Variants in SLC25A26 observed in about 807,000 individuals in gnomAD.
SLC25A26 encodes the protein mitochondrial S-adenosylmethionine carrier protein.
In SLC25A26, 36 loss-of-function variants were observed where a neutral mutation model predicts 37.8. The ratio of observed to expected loss-of-function variants is 0.95; its 90% CI spans 0.73 to 1.26. The LOEUF (loss-of-function observed/expected upper bound fraction) is 1.26. Ranked by LOEUF, SLC25A26 falls within the 50% of genes most tolerant of loss-of-function variation. The pLI, the probability that SLC25A26 is intolerant of heterozygous loss-of-function variation, is 0.00. For synonymous variants in SLC25A26, 129 were observed against 122.5 expected, an observed-to-expected ratio of 1.05 and a Z score of -0.35; for missense variants, 390 against 331.1, an observed-to-expected ratio of 1.18 and a Z score of -1.38.
At chr3:66,151,805 A>G (rs1035356809) in intron 1 of SLC25A26, among the ~76,000 whole-genome samples, 6 of 152,220 alleles carry the variant, frequency 3.9e-5, no homozygotes, top group Admixed American at 3.9e-4. Context: ...TTGGCACTTA[A>G]CATTTATTTA....
At chr3:66,175,140 T>TATATATATAC (rs1413714739) in intron 1 of SLC25A26, among the ~76,000 whole-genome samples, 27 of 66,994 alleles carry the variant, frequency 4.0e-4, no homozygotes, top group African/African-American at 7.7e-4. Flanking sequence ...TATATATATA[T>TATATATATAC]ACACACACAC....
intron 1 of SLC25A26, among the ~76,000 whole-genome samples, chr3:66,195,597 T>C (rs1249378597): frequency 6.6e-6 from 1 of 152,244 alleles, no homozygotes; most frequent in Non-Finnish European, 1.5e-5. Context: ...AGCGTCTGGC[T>C]GATGGGTGGT....
chr3:66,221,109 G>A lies in SLC25A26; in HGVS notation c.15G>A (p.Gly5=), dbSNP rs2071468028. The A allele has an allele frequency of 6.5e-7, 1 of 1,531,820 alleles. No individual in the cohort carries two copies. The highest frequency in any genetic ancestry group is 1.4e-5 in the African/African-American group (1 of 72,624). The allele number at this position is 1,531,820 out of a possible 1,614,324, so 94.9% of individuals were successfully genotyped here. A position where few individuals can be genotyped will look rare whatever the true frequency, so the allele number is the denominator to read the frequency against. ...TCTGAGCGACCATGGACCGGCCGGG[G>A]TTCGTGGCAGCGCTGGTGGTGAGTG... MDRP[G]FVAALVAGGV... The change falls in exon 1 of 10, where the codon GGG becomes GGA. Residue 5 remains glycine, a synonymous_variant. Transcript: ENST00000354883.
chr3:66,167,969 C>A (rs1387450128), intron 1 of SLC25A26, among the ~76,000 whole-genome samples: 3 of 151,716 alleles, frequency 2.0e-5, no homozygotes, highest in Non-Finnish European at 2.9e-5. Flanking sequence ...GCCTGACCAA[C>A]ATGGAGAAAG....
intron 5 of SLC25A26, among the ~76,000 whole-genome samples, chr3:66,282,517 C>A (rs2074381587): frequency 6.6e-6 from 1 of 152,128 alleles, no homozygotes; most frequent in African/African-American, 2.4e-5. Flanking sequence ...TCTCCCTGCC[C>A]CAGTCCTGTA....
At chr3:66,289,309 C>CAGA (rs2074623932) in intron 5 of SLC25A26, among the ~76,000 whole-genome samples, 2 of 152,244 alleles carry the variant, frequency 1.3e-5, no homozygotes, top group South Asian at 4.1e-4. Flanking sequence ...TTTTGCTGTG[C>CAGA]AGAAGCTCTT....
chr3:66,162,709 G>T (rs182390746), intron 1 of SLC25A26, among the ~76,000 whole-genome samples: 1 of 152,192 alleles, frequency 6.6e-6, no homozygotes, highest in East Asian at 1.9e-4. Context: ...ACTGCTGGGC[G>T]CATGAATGCT....
intron 1 of SLC25A26, among the ~76,000 whole-genome samples, chr3:66,224,948 C>G (rs1423801907): frequency 1.3e-5 from 2 of 152,172 alleles, no homozygotes; most frequent in African/African-American, 4.8e-5. Context: ...TGTCTTACAT[C>G]CAGGTCACGC....
Position 66,221,127 on chromosome 3 carries a change from G to A in SLC25A26, c.33G>A (p.Val11=), listed in dbSNP as rs189816697. Residue 11 remains valine, a splice_region_variant and synonymous_variant, in exon 1 of 10, where the codon GTG becomes GTA. Coordinates refer to ENST00000354883, the MANE Select transcript of SLC25A26 (RefSeq NM_001379210.1). The stretch of plus-strand genomic sequence containing the variant: ...GGCCGGGGTTCGTGGCAGCGCTGGT[G>A]GTGAGTGCGGGGCGGTGGGGTGGGT... MDRPGFVAAL[V]AGGVAGVSVD... The A allele has an allele frequency of 5.6e-4, 855 of 1,529,844 alleles. 5 individuals carry two copies. The African/African-American group carries it at 0.011, about 19-fold the overall frequency. 94.8% of individuals were successfully genotyped at this position (1,529,844 alleles called of 1,614,324 possible). A position where few individuals can be genotyped will look rare whatever the true frequency, so the allele number is the denominator to read the frequency against.
At chr3:66,153,695 T>G (rs1426816492) in intron 1 of SLC25A26, among the ~76,000 whole-genome samples, 3 of 152,210 alleles carry the variant, frequency 2.0e-5, no homozygotes, top group Non-Finnish European at 4.4e-5. Context: ...TGGTGGAATT[T>G]CAGGCACCAG....
chr3:66,171,317 C>CCACAAAAAAATCA (rs2070495941), intron 1 of SLC25A26, among the ~76,000 whole-genome samples: 1 of 152,134 alleles, frequency 6.6e-6, no homozygotes, highest in Non-Finnish European at 1.5e-5. Flanking sequence ...GTCCTCACAT[C>CCACAAAAAAATCA]TGGTTTTGTG....
chr3:66,286,391 A>G (rs1272203697), intron 5 of SLC25A26, among the ~76,000 whole-genome samples: 6 of 152,160 alleles, frequency 3.9e-5, no homozygotes, highest in East Asian at 3.8e-4. Context: ...GGTTTAGCTC[A>G]AAGTTTGTTT....
intron 5 of SLC25A26, among the ~76,000 whole-genome samples, chr3:66,286,034 G>A (rs985694712): frequency 6.6e-6 from 1 of 152,144 alleles, no homozygotes; most frequent in Non-Finnish European, 1.5e-5. Flanking sequence ...TATCTGTTCA[G>A]TCTTTTTCTC....
upstream of SLC25A26, among the ~76,000 whole-genome samples, chr3:66,217,959 T>C (rs958766476): frequency 6.6e-5 from 10 of 152,322 alleles, no homozygotes; most frequent in African/African-American, 2.4e-4. Context: ...AGAGAATATC[T>C]TCATCATTGC....
intron 3 of SLC25A26, among the ~76,000 whole-genome samples, chr3:66,260,317 T>A (rs2073475489): frequency 6.6e-6 from 1 of 152,190 alleles, no homozygotes; most frequent in Admixed American, 6.5e-5. Context: ...TGGCTCCATA[T>A]GTATTTCTTG....
intron 7 of SLC25A26, among the ~76,000 whole-genome samples, chr3:66,367,660 T>C (rs2076851332): frequency 1.3e-5 from 2 of 151,452 alleles, no homozygotes; most frequent in African/African-American, 4.9e-5. Context: ...TTTTCTTCCT[T>C]TCTTGGGGGA....
At chr3:66,283,339 G>T (rs991296810) in intron 5 of SLC25A26, among the ~76,000 whole-genome samples, 11 of 152,146 alleles carry the variant, frequency 7.2e-5, no homozygotes, top group African/African-American at 2.7e-4. Flanking sequence ...GCTGAGTGCA[G>T]TGGCGCAGTC....
chr3:66,328,395 C>T (rs1232424022), intron 5 of SLC25A26, among the ~76,000 whole-genome samples: 1 of 152,160 alleles, frequency 6.6e-6, no homozygotes, highest in East Asian at 1.9e-4. Flanking sequence ...GTCATAAACT[C>T]AGAACATGTG....
chr3:66,312,416 G>T (rs2075405525), intron 5 of SLC25A26, among the ~76,000 whole-genome samples: 1 of 152,094 alleles, frequency 6.6e-6, no homozygotes, highest in South Asian at 2.1e-4. Flanking sequence ...TAGCTTGCTG[G>T]GCTCTGTGGG....
Sources: gnomAD v4.1 joint callset for allele counts (sites outside exome capture counted in the v4.1 genomes callset) on GRCh38, gnomAD v4.1.1 for gene constraint, MANE v1.5 for transcripts, NCBI Gene and HGNC (gene_info 2026-07-23, HGNC 2026-07-21) for gene names.